GPC3: variants seen among roughly 807,000 people sequenced by gnomAD.
GPC3 encodes the protein glypican-3.
In GPC3, 3 loss-of-function variants were observed where a neutral mutation model predicts 34.4. The ratio of observed to expected loss-of-function variants is 0.09; its 90% CI spans 0.04 to 0.23. GPC3 has a LOEUF of 0.23. Ranked by LOEUF, GPC3 falls within the 10% of genes least tolerant of loss-of-function variation. The pLI is 1.00. For synonymous variants in GPC3, 177 were observed against 174.0 expected, an observed-to-expected ratio of 1.02 and a Z score of -0.13; for missense variants, 351 against 445.6, an observed-to-expected ratio of 0.79 and a Z score of 1.91.
intron 2 of GPC3, among the ~76,000 whole-genome samples, chrX:133,801,710 A>G (rs1270873540): frequency 2.7e-5 from 3 of 112,377 alleles, no homozygotes; most frequent in East Asian, 5.6e-4. Context: ...CAAGACATGT[A>G]TCAGCATATC....
intron 6 of GPC3, among the ~76,000 whole-genome samples, chrX:133,648,372 G>A (rs925307163): frequency 5.6e-4 from 62 of 110,450 alleles, no homozygotes; most frequent in African/African-American, 1.9e-3. Context: ...ATAGCCCAGG[G>A]AAGCCAAAAG....
chrX:133,932,487 A>G (rs994795855), intron 2 of GPC3, among the ~76,000 whole-genome samples: 1 of 112,000 alleles, frequency 8.9e-6, no homozygotes, highest in African/African-American at 3.2e-5. Context: ...GAATGGTAGC[A>G]GAATATGCCA....
rs150906139 is a variant in GPC3 at position 133,539,665 on chromosome X, C to T, written c.1574-3372G>A. ...CAGGAATATTCAGAACGCTATCTCC[C>T]TGTGTTCCATAAGCTATGGCTGCAG... On this transcript the variant is annotated intron_variant, in intron 7 of 7. Coordinates refer to ENST00000370818, the MANE Select transcript of GPC3 (RefSeq NM_004484.4). Among the ~76,000 whole-genome samples the T allele has an allele frequency of 7.5e-3, 839 of 112,312 alleles. 5 individuals are homozygous for T. The highest frequency in any genetic ancestry group is 0.028 in the Middle Eastern group (6 of 217).
chrX:133,582,146 T>C (rs975735218), intron 7 of GPC3, among the ~76,000 whole-genome samples: 23 of 111,882 alleles, frequency 2.1e-4, no homozygotes, highest in Non-Finnish European at 4.3e-4. Context: ...ACACACACAA[T>C]AGACATATGA....
intron 2 of GPC3, among the ~76,000 whole-genome samples, chrX:133,853,985 A>G (rs2075888259): frequency 8.9e-6 from 1 of 112,233 alleles, no homozygotes; most frequent in Non-Finnish European, 1.9e-5. Context: ...TAGTCTTTGC[A>G]GCTTTCTTGC....
At chrX:133,588,664 A>G (rs2069816095) in intron 7 of GPC3, among the ~76,000 whole-genome samples, 1 of 110,705 alleles carries the variant, frequency 9.0e-6, no homozygotes, top group African/African-American at 3.3e-5. Context: ...CACCTTTCCT[A>G]TGTGTGCAGG....
intron 2 of GPC3, among the ~76,000 whole-genome samples, chrX:133,930,662 A>G (rs775206063): frequency 8.9e-6 from 1 of 111,936 alleles, no homozygotes; most frequent in Non-Finnish European, 1.9e-5. Context: ...TTTGAGACGG[A>G]GTCTCACTCT....
chrX:133,948,322 G>C (rs2076378164), intron 2 of GPC3, among the ~76,000 whole-genome samples: 1 of 110,585 alleles, frequency 9.0e-6, no homozygotes, highest in African/African-American at 3.3e-5. Context: ...TTTTATTTAG[G>C]GGGAGTGGGA....
intron 2 of GPC3, among the ~76,000 whole-genome samples, chrX:133,925,199 AC>A (rs1476006968): frequency 9.1e-6 from 1 of 109,592 alleles, no homozygotes; most frequent in Non-Finnish European, 1.9e-5. Flanking sequence ...AGAAACTGGC[AC>A]AGTTTTATAA....
chrX:133,766,927 A>T (rs1201370206), intron 2 of GPC3, among the ~76,000 whole-genome samples: 2 of 112,324 alleles, frequency 1.8e-5, no homozygotes, highest in Non-Finnish European at 3.8e-5. Context: ...TAATTTATGT[A>T]ATTATCAGAA....
At chrX:133,574,355 A>AG (rs1238366543) in intron 7 of GPC3, among the ~76,000 whole-genome samples, 1,992 of 109,051 alleles carry the variant, frequency 0.018, 24 homozygotes, top group Middle Eastern at 0.038. Context: ...TTGAGAAAAA[A>AG]AGAGAGAGAG....
At chrX:133,908,992 A>T (rs937675184) in intron 2 of GPC3, among the ~76,000 whole-genome samples, 1 of 112,137 alleles carries the variant, frequency 8.9e-6, no homozygotes, top group African/African-American at 3.2e-5. Flanking sequence ...TACGCCACCC[A>T]GCTTTGCGAT....
chrX:133,932,684 C>T (rs1313230501), intron 2 of GPC3, among the ~76,000 whole-genome samples: 2 of 111,426 alleles, frequency 1.8e-5, no homozygotes, highest in Non-Finnish European at 3.8e-5. Flanking sequence ...GCCCTGTGGT[C>T]CTTAACTGTT....
intron 6 of GPC3, among the ~76,000 whole-genome samples, chrX:133,615,679 A>G (rs1388714399): frequency 1.8e-5 from 2 of 108,875 alleles, no homozygotes; most frequent in Admixed American, 9.9e-5. Flanking sequence ...GGTGCAGCAA[A>G]CCACCATGGC....
chrX:133,575,971 G>A (rs923883350), intron 7 of GPC3, among the ~76,000 whole-genome samples: 1 of 111,451 alleles, frequency 9.0e-6, no homozygotes, highest in African/African-American at 3.3e-5. Context: ...CCAACTGAGT[G>A]GAGCAATGTA....
At chrX:133,667,720 G>A (rs2070781880) in intron 5 of GPC3, among the ~76,000 whole-genome samples, 1 of 108,733 alleles carries the variant, frequency 9.2e-6, no homozygotes, top group African/African-American at 3.3e-5. Flanking sequence ...GCATGTTGCC[G>A]TGTGCATGTA....
intron 6 of GPC3, among the ~76,000 whole-genome samples, chrX:133,647,418 A>G (rs1229364599): frequency 2.7e-5 from 3 of 112,373 alleles, no homozygotes; most frequent in African/African-American, 9.7e-5. Context: ...GTCGAGTACA[A>G]GGCAGAGCGT....
At chrX:133,589,521 C>T (rs1013743710) in intron 7 of GPC3, among the ~76,000 whole-genome samples, 13 of 111,255 alleles carry the variant, frequency 1.2e-4, no homozygotes, top group African/African-American at 4.2e-4. Context: ...GGATTACAGG[C>T]ATGCACCACC....
At chrX:133,650,457 CCA>C (rs537936603) in intron 6 of GPC3, among the ~76,000 whole-genome samples, 27,787 of 97,060 alleles carry the variant, frequency 0.29, 3,573 homozygotes, top group Admixed American at 0.48. Flanking sequence ...ACACACCCAC[CCA>C]CACACACACA....
Sources: gnomAD v4.1 joint callset for allele counts (sites outside exome capture counted in the v4.1 genomes callset) on GRCh38, gnomAD v4.1.1 for gene constraint, MANE v1.5 for transcripts, NCBI Gene and HGNC (gene_info 2026-07-23, HGNC 2026-07-21) for gene names.